The following RHBDD1 variants were observed in gnomAD, a reference collection of about 807,000 sequenced individuals.
RHBDD1 encodes the protein rhomboid-related protein 4.
RHBDD1 carries 38 observed loss-of-function variants against 36.3 expected under a neutral mutation model. That is an observed-to-expected ratio of 1.05 (90% CI 0.81 to 1.37). The LOEUF (loss-of-function observed/expected upper bound fraction) is 1.37. Among genes scored for constraint, RHBDD1 ranks in the 40% most tolerant of loss-of-function variants. RHBDD1 has a pLI of 0.00. For synonymous variants in RHBDD1, 151 were observed against 136.5 expected (o/e 1.11, Z -0.74); for missense variants, 393 against 377.6 (o/e 1.04, Z -0.34).
At position 226,959,122 on chromosome 2, in the gene RHBDD1, A is replaced by G. The variant is rs775859243; in HGVS notation, c.857-36309A>G. On this transcript the variant is annotated intron_variant, in intron 8 of 8. Transcript: ENST00000392062. ...AAAGCAGTGACAAATTGTGGGGCCT[A>G]TTGAGTCTCGGTTTCATAACTGAAA... Among the ~76,000 whole-genome samples the G allele has an allele frequency of 3.9e-5, 6 of 152,198 alleles. No individual in the cohort carries two copies. The East Asian group carries it at 9.7e-4, about 25-fold the overall frequency.
chr2:226,938,718 G>A (rs1575168125), intron 8 of RHBDD1, among the ~76,000 whole-genome samples: 1 of 151,150 alleles, frequency 6.6e-6, no homozygotes, highest in East Asian at 2.0e-4. Context: ...TACCATTCCT[G>A]TTGAAACTAT....
upstream of RHBDD1, among the ~76,000 whole-genome samples, chr2:226,833,624 T>G (rs1331368632): frequency 3.3e-5 from 5 of 152,236 alleles, no homozygotes; most frequent in Admixed American, 1.3e-4. Context: ...ATGCACAATG[T>G]GCATAGTGCT....
intron 8 of RHBDD1, chr2:226,988,878 A>G (rs1270114062): frequency 4.9e-6 from 1 of 203,060 alleles, no homozygotes; most frequent in Non-Finnish European, 8.7e-6. Context: ...GTCAAAGGAG[A>G]TCCTAATTCT....
chr2:226,975,743 CT>C (rs2149377501), intron 8 of RHBDD1, among the ~76,000 whole-genome samples: 1 of 152,290 alleles, frequency 6.6e-6, no homozygotes, highest in Admixed American at 6.5e-5. Context: ...TAAGTATTGC[CT>C]TGTGTACTGA....
chr2:226,840,546 G>T lies in RHBDD1; in HGVS notation c.-91+919G>T, dbSNP rs548228260. Among the ~76,000 whole-genome samples the T allele has an allele frequency of 2.6e-4, 39 of 152,318 alleles. 1 individual carries two copies. The South Asian group carries it at 4.6e-3, about 18-fold the overall frequency. On this transcript the variant is annotated intron_variant, in intron 3 of 8. Transcript: ENST00000392062. ...TTATTCTTGATGGTGATTCTAGAAT[G>T]TAAGTGGAATTTTTTGCCATCTATG...
the RHBDD1 span, among the ~76,000 whole-genome samples, chr2:226,825,055 A>G: frequency 6.6e-6 from 1 of 152,230 alleles, no homozygotes; most frequent in Non-Finnish European, 1.5e-5. Flanking sequence ...TTTATTTCCT[A>G]GCAGAACATT....
At chr2:226,913,534 C>T (rs1456700557) in intron 7 of RHBDD1, among the ~76,000 whole-genome samples, 1 of 152,098 alleles carries the variant, frequency 6.6e-6, no homozygotes, top group Non-Finnish European at 1.5e-5. Context: ...TGTTATTGAC[C>T]TTTATTAATG....
Position 226,864,641 on chromosome 2 carries a change from T to A in RHBDD1, c.-53T>A. 6.8e-7 allele frequency: 1 copy of A among 1,474,862 alleles called. No individual in the cohort carries two copies. 91.4% of individuals were successfully genotyped at this position (1,474,862 alleles called of 1,614,324 possible). A position where few individuals can be genotyped will look rare whatever the true frequency, so the allele number is the denominator to read the frequency against. On this transcript the variant is annotated 5_prime_UTR_variant, in exon 4 of 9. Transcript: ENST00000392062. ...GTATATCTCCCCAGATACCTGAAACTGACCACCTGAGTACGTTTTCCCATT... is the reference window on the plus strand; with the variant it reads ...GTATATCTCCCCAGATACCTGAAACAGACCACCTGAGTACGTTTTCCCATT...
chr2:226,833,001 A>C (rs959719946), upstream of RHBDD1, among the ~76,000 whole-genome samples: 2 of 152,204 alleles, frequency 1.3e-5, no homozygotes, highest in Non-Finnish European at 2.9e-5. Flanking sequence ...AAAAAGAAAA[A>C]GAAATTTCTT....
chr2:226,909,008 C>T, intron 7 of RHBDD1, 130 bp downstream of exon 7: 1 of 622,656 alleles, frequency 1.6e-6, no homozygotes, highest in South Asian at 2.3e-5. Flanking sequence ...GTAACTGTGC[C>T]TCTAACACAC....
chr2:226,965,518 G>A (rs940815489), intron 8 of RHBDD1, among the ~76,000 whole-genome samples: 11 of 152,218 alleles, frequency 7.2e-5, no homozygotes, highest in African/African-American at 2.7e-4. Flanking sequence ...CTTAGTAGCT[G>A]TGGAGGAGGT....
chr2:226,912,979 T>C (rs560542771), intron 7 of RHBDD1, among the ~76,000 whole-genome samples: 19 of 152,340 alleles, frequency 1.2e-4, no homozygotes, highest in African/African-American at 4.3e-4. Flanking sequence ...AAATGAAGTC[T>C]ACTAGAGTGC....
intron 8 of RHBDD1, among the ~76,000 whole-genome samples, chr2:226,955,539 G>A (rs1575236774): frequency 6.6e-6 from 1 of 152,200 alleles, no homozygotes; most frequent in Non-Finnish European, 1.5e-5. Context: ...TCTTGGTTTT[G>A]CTGTTCACAG....
At chr2:226,817,157 G>T in the RHBDD1 span, among the ~76,000 whole-genome samples, 1 of 152,068 alleles carries the variant, frequency 6.6e-6, no homozygotes, top group Non-Finnish European at 1.5e-5. Context: ...AGCTATATAC[G>T]CCTAGTAATA....
intron 8 of RHBDD1, among the ~76,000 whole-genome samples, chr2:226,957,494 A>G (rs538798004): frequency 4.3e-4 from 66 of 152,222 alleles, no homozygotes; most frequent in Non-Finnish European, 8.5e-4. Context: ...AGGCTAAGAC[A>G]TGAGAATTGC....
At chr2:226,889,347 A>G (rs1009629659) in intron 5 of RHBDD1, among the ~76,000 whole-genome samples, 1 of 152,178 alleles carries the variant, frequency 6.6e-6, no homozygotes, top group Non-Finnish European at 1.5e-5. Context: ...CAATGGCTTG[A>G]GGTCCCCCTT....
chr2:226,869,211 C>T, intron 5 of RHBDD1: 1 of 982,560 alleles, frequency 1.0e-6, no homozygotes, highest in Non-Finnish European at 1.2e-6. Context: ...TTTGTGGAGG[C>T]ACCGGTAATT....
upstream of RHBDD1, among the ~76,000 whole-genome samples, chr2:226,832,746 G>A (rs72965969): frequency 0.058 from 8,758 of 152,172 alleles, 294 homozygotes; most frequent in Admixed American, 0.081. Flanking sequence ...AGCCAGACGC[G>A]CTGGCCTGTA....
At chr2:226,872,791 T>C (rs1454327668) in intron 5 of RHBDD1, among the ~76,000 whole-genome samples, 10 of 152,208 alleles carry the variant, frequency 6.6e-5, no homozygotes, top group Non-Finnish European at 1.5e-4. Flanking sequence ...GTCCTACTGA[T>C]TATTTGTTTA....
Sources: gnomAD v4.1 joint callset for allele counts (sites outside exome capture counted in the v4.1 genomes callset) on GRCh38, gnomAD v4.1.1 for gene constraint, MANE v1.5 for transcripts, NCBI Gene and HGNC (gene_info 2026-07-23, HGNC 2026-07-21) for gene names.